NSD1: variants seen among roughly 807,000 people sequenced by gnomAD.
The protein encoded by NSD1 is nuclear receptor binding SET domain protein 1, also known as histone-lysine N-methyltransferase, H3 lysine-36 specific.
NSD1 carries 26 observed loss-of-function variants against 242.7 expected under a neutral mutation model. The observed-to-expected ratio is 0.11, with a 90% confidence interval of 0.08 to 0.15. The LOEUF (loss-of-function observed/expected upper bound fraction) is 0.15. Ranked by LOEUF, NSD1 falls within the 10% of genes least tolerant of loss-of-function variation. The pLI, the probability that NSD1 is intolerant of heterozygous loss-of-function variation, is 1.00. For synonymous variants in NSD1, 1,106 were observed against 1,178.1 expected (o/e 0.94, Z 1.25); for missense variants, 2,495 against 3,272.8 (o/e 0.76, Z 5.80).
At chr5:177,143,755 G>A (rs1459066324) in intron 2 of NSD1, among the ~76,000 whole-genome samples, 1 of 151,810 alleles carries the variant, frequency 6.6e-6, no homozygotes, top group African/African-American at 2.4e-5. Flanking sequence ...CTTCATTGGA[G>A]GGTTGTTAAG....
intron 14 of NSD1, chr5:177,265,156 C>A: frequency 1.3e-6 from 1 of 761,826 alleles, no homozygotes. Context: ...CACTAGCTTG[C>A]TCCACTCAGA....
At chr5:177,178,964 G>A (rs1303889832) in intron 2 of NSD1, among the ~76,000 whole-genome samples, 3 of 152,186 alleles carry the variant, frequency 2.0e-5, no homozygotes, top group Non-Finnish European at 4.4e-5. Context: ...TAGGGGTAAA[G>A]TAGACCCAAG....
intron 22 of NSD1, among the ~76,000 whole-genome samples, 181 bp from the exon 23 acceptor site, chr5:177,293,649 CTG>C (rs1260521756): frequency 6.7e-6 from 1 of 148,626 alleles, no homozygotes; most frequent in East Asian, 2.0e-4. Context: ...TTTATGTATT[CTG>C]TGCACAAAAA....
At chr5:177,222,653 A>G (rs1205376002) in intron 5 of NSD1, among the ~76,000 whole-genome samples, 2 of 152,152 alleles carry the variant, frequency 1.3e-5, no homozygotes, top group African/African-American at 4.8e-5. Context: ...GGACAATTAC[A>G]TATCTAGAGT....
chr5:177,266,548 G>T lies in NSD1; in HGVS notation c.5147-1014G>T, dbSNP rs559122959. ...CTCGCTGCTTTCCGCCTGGCCACAG[G>T]ACACCTCCATGATGCAGTTCACGAC... On this transcript the variant is annotated intron_variant, in intron 14 of 22. Transcript: ENST00000439151. 4.4e-6 allele frequency: 3 copies of T among 686,322 alleles called. No homozygotes were observed. The African/African-American group carries it at 5.5e-5, about 12-fold the overall frequency. The allele number at this position is 686,322 out of a possible 1,614,324, so 42.5% of individuals were successfully genotyped here. A position where few individuals can be genotyped will look rare whatever the true frequency, so the allele number is the denominator to read the frequency against.
At chr5:177,290,117 T>G (rs62397238) in intron 21 of NSD1, among the ~76,000 whole-genome samples, 1 of 150,532 alleles carries the variant, frequency 6.6e-6, no homozygotes, top group African/African-American at 2.4e-5. Context: ...CGTGAGCCAC[T>G]GTGCCCGGCC....
intron 2 of NSD1, among the ~76,000 whole-genome samples, chr5:177,167,831 A>G (rs774570459): frequency 1.3e-5 from 2 of 152,236 alleles, no homozygotes; most frequent in Non-Finnish European, 2.9e-5. Context: ...TCGACTTATG[A>G]TGGGTTAATC....
intron 5 of NSD1, among the ~76,000 whole-genome samples, chr5:177,235,030 A>T (rs1385627694): frequency 1.3e-5 from 2 of 152,210 alleles, no homozygotes; most frequent in African/African-American, 4.8e-5. Flanking sequence ...TACCCTGAAC[A>T]CACATTACTT....
chr5:177,155,996 C>T (rs967941197), intron 2 of NSD1, among the ~76,000 whole-genome samples: 3 of 151,670 alleles, frequency 2.0e-5, no homozygotes, highest in African/African-American at 4.8e-5. Context: ...TGAGCCACTG[C>T]GTCTGGCCTG....
At position 177,197,924 on chromosome 5, in the gene NSD1, CAG is replaced by C. The variant is rs142459254; in HGVS notation, c.1063+5909_1063+5910del. On this transcript the variant is annotated intron_variant, in intron 3 of 22. Coordinates refer to ENST00000439151, the MANE Select transcript of NSD1 (RefSeq NM_022455.5). Reference sequence around the variant, plus strand: ...TTGGACTGATTTGAGGCAATGGAGACAGAGACAGAGAAGGGAGGATGCTGCAG... The same window carrying C: ...TTGGACTGATTTGAGGCAATGGAGACAGACAGAGAAGGGAGGATGCTGCAG... Among the ~76,000 whole-genome samples the C allele has an allele frequency of 5.1e-3, 779 of 152,218 alleles. 6 individuals are homozygous for C. The highest frequency in any genetic ancestry group is 0.018 in the African/African-American group (741 of 41,534).
rs541575493 is a variant in NSD1 at position 177,134,902 on chromosome 5, G to A, written c.-17-185G>A. ...TGTAGCAGGATCGGCCCAGCTTCGG[G>A]AAAATGGAGTTTTCAGAGGCTCATC... On this transcript the variant is annotated intron_variant, in intron 1 of 22. Transcript: ENST00000439151. The surrounding 1 kb of genome is among the most constrained non-coding windows in gnomAD (Gnocchi z 4.2). 2.6e-4 allele frequency among the ~76,000 whole-genome samples: 39 copies of A among 152,308 alleles called. No individual in the cohort carries two copies. The highest frequency in any genetic ancestry group is 8.9e-4 in the African/African-American group (37 of 41,572).
chr5:177,218,416 G>A (rs1763952467), intron 5 of NSD1, among the ~76,000 whole-genome samples: 1 of 151,858 alleles, frequency 6.6e-6, no homozygotes, highest in Non-Finnish European at 1.5e-5. Flanking sequence ...GTTGAATTTT[G>A]TCAGATGTTT....
intron 5 of NSD1, among the ~76,000 whole-genome samples, chr5:177,222,608 T>C (rs1370777365): frequency 6.6e-6 from 1 of 152,204 alleles, no homozygotes; most frequent in Non-Finnish European, 1.5e-5. Flanking sequence ...TCAATATATT[T>C]TCATATACTT....
At chr5:177,200,958 G>A (rs770476220) in intron 3 of NSD1, among the ~76,000 whole-genome samples, 2 of 151,594 alleles carry the variant, frequency 1.3e-5, no homozygotes, top group African/African-American at 2.4e-5. Context: ...GCAATGAGGC[G>A]TGATCTTGGC....
At chr5:177,274,695 CTTTG>C (rs1327132769) in intron 17 of NSD1, among the ~76,000 whole-genome samples, 1 of 134,674 alleles carries the variant, frequency 7.4e-6, no homozygotes. Flanking sequence ...TTCACTTATC[CTTTG>C]TGTGTGTGTG....
chr5:177,209,566 G>A, intron 4 of NSD1, 70 bp from the exon 5 acceptor site: 4 of 915,696 alleles, frequency 4.4e-6, no homozygotes, highest in Non-Finnish European at 6.8e-6. Context: ...AAAAGCTTCT[G>A]ATTTCATCTC....
chr5:177,170,609 T>C (rs1759619028), intron 2 of NSD1, among the ~76,000 whole-genome samples: 1 of 152,186 alleles, frequency 6.6e-6, no homozygotes, highest in South Asian at 2.1e-4. Context: ...TGCCTCAGCT[T>C]CCTGAAGTGC....
chr5:177,153,657 A>G (rs1432971226), intron 2 of NSD1, among the ~76,000 whole-genome samples: 1 of 152,128 alleles, frequency 6.6e-6, no homozygotes, highest in Non-Finnish European at 1.5e-5. Flanking sequence ...TTTATTATAT[A>G]GCTAGATCTG....
intron 8 of NSD1, among the ~76,000 whole-genome samples, chr5:177,241,928 A>G (rs1765904115): frequency 6.6e-6 from 1 of 152,180 alleles, no homozygotes; most frequent in Admixed American, 6.6e-5. Context: ...GTAGTGCTTT[A>G]AGGGTACTCT....
Sources: allele counts gnomAD v4.1 joint callset (sites outside exome capture counted in the v4.1 genomes callset), GRCh38; gene constraint gnomAD v4.1.1; non-coding constraint Gnocchi (gnomAD v3.1); transcripts MANE v1.5; gene names NCBI Gene and HGNC (gene_info 2026-07-23, HGNC 2026-07-21).